The following GPX8 variants were observed in gnomAD, a reference collection of about 807,000 sequenced individuals.
The protein encoded by GPX8 is protein peroxidase GPX8.
GPX8 carries 12 observed loss-of-function variants against 17.8 expected under a neutral mutation model. That is an observed-to-expected ratio of 0.67 (90% CI 0.43 to 1.09). The LOEUF (loss-of-function observed/expected upper bound fraction) is 1.09. Ranked by LOEUF, GPX8 falls within the 50% of genes least tolerant of loss-of-function variation. The pLI, the probability that GPX8 is intolerant of heterozygous loss-of-function variation, is 0.00. For missense variants in GPX8, 209 were observed against 235.6 expected (o/e 0.89, Z 0.74); for synonymous variants, 86 against 88.1 (o/e 0.98, Z 0.14).
chr5:55,165,490 T>C lies in GPX8; in HGVS notation c.*1272T>C, dbSNP rs182327441. On this transcript the variant is annotated 3_prime_UTR_variant, in exon 3 of 3. Transcript: ENST00000503787. ...ACTTGACTCCCAAATTCTGACCTGA[T>C]GGATGAAAGTGAAGATGTTTCGTAT... 4 of 152,354 alleles carry C rather than the reference T, an allele frequency of 2.6e-5. No individual in the cohort carries two copies. The highest frequency in any genetic ancestry group is 1.3e-4 in the Admixed American group (2 of 15,302). The allele number at this position is 152,354 out of a possible 1,614,324, so 9.4% of individuals were successfully genotyped here.
rs2111589878 is a variant in GPX8, at chr5:55,165,037, A to T, written c.*819A>T. 6.6e-6 allele frequency: 1 copy of T among 152,296 alleles called. No individual in the cohort carries two copies. The highest frequency in any genetic ancestry group is 2.1e-4 in the South Asian group (1 of 4,814). The allele number at this position is 152,296 out of a possible 1,614,324, so 9.4% of individuals were successfully genotyped here. On this transcript the variant is annotated 3_prime_UTR_variant, in exon 3 of 3. Transcript: ENST00000503787. ...TCCCAAGTGTAGAAAAAAGGACATG[A>T]GTATAAGATCATTTAACTTGATTCC... is the stretch of plus-strand genomic sequence containing the variant.
In GPX8 at chr5:55,160,197, A is replaced by T. The variant is rs201240526; in HGVS notation, c.5A>T (p.Glu2Val). ...TTCCCTCTAGAATCCTCCAACATGG[A>T]GCCTCTTGCAGCTTACCCGCTAAAA... M[E>V]PLAAYPLKCS... The change falls in exon 1 of 3, where the codon GAG (glutamate) becomes GTG (valine). Residue 2 changes from glutamate to valine, a missense_variant. By Grantham distance (121) the Glu-to-Val change is moderately radical. Coordinates refer to ENST00000503787, the MANE Select transcript of GPX8 (RefSeq NM_001008397.4). 5.0e-6 allele frequency: 8 copies of T among 1,613,264 alleles called. No individual in the cohort carries two copies. Among genetic ancestry groups the T allele is most frequent in the Non-Finnish European group, 5.9e-6 (7 of 1,179,282 alleles).
intron 2 of GPX8, among the ~76,000 whole-genome samples, chr5:55,161,564 T>C (rs1744065104): frequency 6.6e-6 from 1 of 152,238 alleles, no homozygotes; most frequent in Non-Finnish European, 1.5e-5. Flanking sequence ...TTCTCCTCTC[T>C]TGTAACTAGC....
Position 55,160,341 on chromosome 5 carries a change from T to C in GPX8, c.149T>C (p.Phe50Ser). Residue 50 changes from phenylalanine to serine, a missense_variant, in exon 1 of 3, where the codon TTT becomes TCT. Transcript: ENST00000503787. Reference protein sequence around the residue: ...LKPKINSFYAFEVKDAKGRTV... With the variant: ...LKPKINSFYASEVKDAKGRTV... ...CCTAAAATCAACAGCTTTTATGCCT[T>C]TGAAGTGAAGGATGCAAAAGGAAGA... 1 of 1,613,756 alleles carries C rather than the reference T, an allele frequency of 6.2e-7. No homozygotes were observed. The highest frequency in any genetic ancestry group is 1.1e-5 in the South Asian group (1 of 91,078).
Position 55,163,547 on chromosome 5 carries a change from C to G in GPX8, c.467-508C>G, listed in dbSNP as rs184465320. On this transcript the variant is annotated intron_variant, in intron 2 of 2. Transcript: ENST00000503787. ...TTGACACAGAGTTTCACTCTTGTCC[C>G]CCAGGCTGGAGGGCAGTGGTGTGGT... 4.6e-5 allele frequency among the ~76,000 whole-genome samples: 7 copies of G among 151,886 alleles called. No homozygotes were observed. The East Asian group carries it at 1.4e-3, about 29-fold the overall frequency.
rs1180205220 is a variant in GPX8 at position 55,166,033 on chromosome 5, A to T, written c.*1815A>T. The T allele has an allele frequency of 6.6e-6, 1 of 152,226 alleles. No individual in the cohort carries two copies. Among genetic ancestry groups the T allele is most frequent in the Non-Finnish European group, 1.5e-5 (1 of 68,050 alleles). 9.4% of individuals were successfully genotyped at this position (152,226 alleles called of 1,614,324 possible). On this transcript the variant is annotated 3_prime_UTR_variant, in exon 3 of 3. Coordinates refer to ENST00000503787, the MANE Select transcript of GPX8 (RefSeq NM_001008397.4). ...ATTTGAATTCTGAGCCTCTAAGAAA[A>T]CTTATGCTCAGGTGGCCCCTCCAAG...
At position 55,167,163 on chromosome 5, in the gene GPX8, T is replaced by C. The variant is rs1744439609; in HGVS notation, c.*2945T>C. The C allele has an allele frequency of 6.6e-6, 1 of 152,196 alleles. No individual in the cohort carries two copies. The highest frequency in any genetic ancestry group is 2.4e-5 in the African/African-American group (1 of 41,442). The allele number at this position is 152,196 out of a possible 1,614,324, so 9.4% of individuals were successfully genotyped here. ...ATGCATTTTAACTGTGGTAACTAATTCACTGACTTGAAGTTTGCTTTGTTT... is the reference window on the plus strand; with the variant it reads ...ATGCATTTTAACTGTGGTAACTAATCCACTGACTTGAAGTTTGCTTTGTTT... On this transcript the variant is annotated 3_prime_UTR_variant, in exon 3 of 3. Coordinates refer to ENST00000503787, the MANE Select transcript of GPX8 (RefSeq NM_001008397.4).
In GPX8 at chr5:55,166,456, G is replaced by A. The variant is rs147041984; in HGVS notation, c.*2238G>A. 8 of 152,294 alleles carry A rather than the reference G, an allele frequency of 5.3e-5. No individual in the cohort carries two copies. Among genetic ancestry groups the A allele is most frequent in the South Asian group, 2.1e-4 (1 of 4,812 alleles). 9.4% of individuals were successfully genotyped at this position (152,294 alleles called of 1,614,324 possible). On this transcript the variant is annotated 3_prime_UTR_variant, in exon 3 of 3. Transcript: ENST00000503787. The stretch of plus-strand genomic sequence containing the variant: ...AGTAGGCAGGAGGAGATTTGAAAGC[G>A]TGTCATACATATTGCCTTGAAAGAA...
rs572402446 is a variant in GPX8 at position 55,164,555 on chromosome 5, A to G, written c.*337A>G. 5.0e-5 allele frequency: 8 copies of G among 161,548 alleles called. No individual in the cohort carries two copies. The South Asian group carries it at 1.4e-3, about 28-fold the overall frequency. 10.0% of individuals were successfully genotyped at this position (161,548 alleles called of 1,614,324 possible). On this transcript the variant is annotated 3_prime_UTR_variant, in exon 3 of 3. Transcript: ENST00000503787. ...ACTAAAGAATTCAGAATACACAGTG[A>G]CCAATGTGCCTCAATATCTTATTGT...
chr5:55,160,572 TAAA>T, intron 1 of GPX8, 176 bp downstream of exon 1: 1 of 568,550 alleles, frequency 1.8e-6, no homozygotes, highest in South Asian at 2.5e-5. Flanking sequence ...TTCTAAATAA[TAAA>T]TTCCGATTAT....
In GPX8 at chr5:55,160,990, G is replaced by A; in HGVS notation, c.205-4G>A. On this transcript the variant is annotated splice_polypyrimidine_tract_variant and splice_region_variant and intron_variant, in intron 1 of 2. Coordinates refer to ENST00000503787, the MANE Select transcript of GPX8 (RefSeq NM_001008397.4). ...CCGGTTGGATTTTTTTCTTTTTCCG[G>A]GAGGTTTCACTAGTTGTAAACGTGG... The A allele has an allele frequency of 6.3e-7, 1 of 1,583,734 alleles. No individual in the cohort carries two copies.
chr5:55,163,438 T>G (rs1379913977), intron 2 of GPX8, among the ~76,000 whole-genome samples: 1 of 152,088 alleles, frequency 6.6e-6, no homozygotes, highest in Non-Finnish European at 1.5e-5. Flanking sequence ...ATACAAAAAT[T>G]TGCCTGGTGT....
At chr5:55,163,131 A>AT (rs1314489827) in intron 2 of GPX8, among the ~76,000 whole-genome samples, 1 of 152,178 alleles carries the variant, frequency 6.6e-6, no homozygotes, top group Non-Finnish European at 1.5e-5. Context: ...TAATTATTAT[A>AT]TTTTTCCTCA....
chr5:55,160,876 A>T, intron 1 of GPX8, 118 bp from the exon 2 acceptor site: 1 of 1,109,852 alleles, frequency 9.0e-7, no homozygotes, highest in East Asian at 2.6e-5. Flanking sequence ...AAAATATGAA[A>T]AAAACATCAA....
In GPX8 at chr5:55,160,184, T is replaced by C; in HGVS notation, c.-9T>C. On this transcript the variant is annotated 5_prime_UTR_variant, in exon 1 of 3. Transcript: ENST00000503787. Reference sequence around the variant, plus strand: ...AGGCTGCTGAGACTTCCCTCTAGAATCCTCCAACATGGAGCCTCTTGCAGC... The same window carrying C: ...AGGCTGCTGAGACTTCCCTCTAGAACCCTCCAACATGGAGCCTCTTGCAGC... The C allele has an allele frequency of 6.2e-7, 1 of 1,610,092 alleles. No individual in the cohort carries two copies. The highest frequency in any genetic ancestry group is 8.5e-7 in the Non-Finnish European group (1 of 1,176,398).
At chr5:55,163,563 G>A (rs1744206543) in intron 2 of GPX8, among the ~76,000 whole-genome samples, 1 of 151,932 alleles carries the variant, frequency 6.6e-6, no homozygotes, top group Admixed American at 6.6e-5. Flanking sequence ...CTGGAGGGCA[G>A]TGGTGTGGTC....
chr5:55,164,650 G>A lies in GPX8; in HGVS notation c.*432G>A, dbSNP rs1213465902. On this transcript the variant is annotated 3_prime_UTR_variant, in exon 3 of 3. Coordinates refer to ENST00000503787, the MANE Select transcript of GPX8 (RefSeq NM_001008397.4). ...ACACTAGACCACTCTTTGGATTCAA[G>A]AGCACTGTGTATGACTGAAATTTCT... is the stretch of plus-strand genomic sequence containing the variant. 1 of 152,502 alleles carries A rather than the reference G, an allele frequency of 6.6e-6. No homozygotes were observed. The highest frequency in any genetic ancestry group is 1.9e-4 in the East Asian group (1 of 5,210). 9.4% of individuals were successfully genotyped at this position (152,502 alleles called of 1,614,324 possible).
rs1744300801 is a variant in GPX8, at chr5:55,164,912, A to G, written c.*694A>G. ...TATTATAACATTTGAAAAAGTCTTC[A>G]TCATTTTCAGTATTTCTCTCTGCAT... On this transcript the variant is annotated 3_prime_UTR_variant, in exon 3 of 3. Coordinates refer to ENST00000503787, the MANE Select transcript of GPX8 (RefSeq NM_001008397.4). The G allele has an allele frequency of 2.0e-5, 3 of 152,214 alleles. No individual in the cohort carries two copies. The highest frequency in any genetic ancestry group is 6.5e-5 in the Admixed American group (1 of 15,276). 9.4% of individuals were successfully genotyped at this position (152,214 alleles called of 1,614,324 possible).
At chr5:55,161,313 AC>A in intron 2 of GPX8, 58 bp downstream of exon 2, 1 of 1,464,120 alleles carries the variant, frequency 6.8e-7, no homozygotes, top group Non-Finnish European at 9.4e-7. Context: ...AAACAATTAT[AC>A]CAGGACAATA....
Sources: allele counts gnomAD v4.1 joint callset (sites outside exome capture counted in the v4.1 genomes callset), GRCh38; gene constraint gnomAD v4.1.1; transcripts MANE v1.5; gene names NCBI Gene and HGNC (gene_info 2026-07-23, HGNC 2026-07-21).